The following NOM1 variants were observed in gnomAD, a reference collection of about 807,000 sequenced individuals.
NOM1 encodes the protein nucleolar protein with MIF4G domain 1.
NOM1 carries 58 observed loss-of-function variants against 73.3 expected under a neutral mutation model. The ratio of observed to expected loss-of-function variants is 0.79; its 90% confidence interval spans 0.64 to 0.99. The LOEUF (loss-of-function observed/expected upper bound fraction) is 0.99. Among genes scored for constraint, NOM1 ranks in the 50% least tolerant of loss-of-function variants. The pLI, the probability that NOM1 is intolerant of heterozygous loss-of-function variation, is 0.00. For missense variants in NOM1, 1,226 were observed against 1,131.9 expected (o/e 1.08, Z -1.19); for synonymous variants, 487 against 446.8 (o/e 1.09, Z -1.14).
At chr7:156,953,186 CTA>C (rs1804636017) in intron 2 of NOM1, among the ~76,000 whole-genome samples, 1 of 152,164 alleles carries the variant, frequency 6.6e-6, no homozygotes, top group Non-Finnish European at 1.5e-5. Flanking sequence ...TGCAATGGCG[CTA>C]TCTCGGCTCA....
At chr7:156,965,360 A>G (rs1458369409) in intron 7 of NOM1, among the ~76,000 whole-genome samples, 5 of 152,256 alleles carry the variant, frequency 3.3e-5, no homozygotes, top group African/African-American at 9.6e-5. Flanking sequence ...CCCCAAGAGC[A>G]TGGTGACTCT....
chr7:156,968,974 A>G (rs1805073881), intron 9 of NOM1, 113 bp from the exon 10 acceptor site: 3 of 664,070 alleles, frequency 4.5e-6, no homozygotes, highest in Non-Finnish European at 8.2e-6. Context: ...TAAATCGGGT[A>G]GAGTGGGGGA....
intron 2 of NOM1, among the ~76,000 whole-genome samples, chr7:156,953,236 T>A (rs1488068515): frequency 1.3e-5 from 2 of 152,116 alleles, no homozygotes; most frequent in Non-Finnish European, 2.9e-5. Flanking sequence ...TTCAAGCAGT[T>A]CTCCTGCCTC....
intron 3 of NOM1, among the ~76,000 whole-genome samples, chr7:156,958,364 C>T (rs1804779067): frequency 6.6e-6 from 1 of 152,224 alleles, no homozygotes; most frequent in East Asian, 1.9e-4. Flanking sequence ...CACTGCCATG[C>T]GTTGCTGTGT....
Position 156,950,723 on chromosome 7 carries a change from A to G in NOM1, c.986A>G (p.Lys329Arg). ...TCGGAGGACGGTGACATAACGGATAAGGTATCGTGTGAACACTCTCTAGGC... is the reference window on the plus strand; with the variant it reads ...TCGGAGGACGGTGACATAACGGATAGGGTATCGTGTGAACACTCTCTAGGC... The part of the protein sequence containing the change: ...NSSEDGDITD[K>R]SLCGSGEKYI... Residue 329 changes from lysine (K) to arginine (R), a missense_variant and splice_region_variant, in exon 1 of 11, where the codon AAG becomes AGG. Transcript: ENST00000275820. 2.6e-6 allele frequency: 4 copies of G among 1,550,656 alleles called. No homozygotes were observed. The highest frequency in any genetic ancestry group is 3.5e-6 in the Non-Finnish European group (4 of 1,146,462).
rs1804553707 is a variant in NOM1 at position 156,950,330 on chromosome 7, G to A, written c.593G>A (p.Arg198His). 5.0e-6 allele frequency: 8 copies of A among 1,613,850 alleles called. No individual in the cohort carries two copies. The highest frequency in any genetic ancestry group is 6.8e-6 in the Non-Finnish European group (8 of 1,179,912). ...KLERCLGLNK[R>H]KKKDGSSSVP... ...GAGCGTTGCCTCGGTTTGAACAAGCGCAAAAAGAAGGACGGCAGCAGCTCC... is the reference window on the plus strand; with the variant it reads ...GAGCGTTGCCTCGGTTTGAACAAGCACAAAAAGAAGGACGGCAGCAGCTCC... Residue 198 changes from arginine (R) to histidine (H), a missense_variant, in exon 1 of 11, where the codon CGC (arginine) becomes CAC (histidine). Coordinates refer to ENST00000275820, the MANE Select transcript of NOM1 (RefSeq NM_138400.2).
At position 156,966,364 on chromosome 7, in the gene NOM1, C is replaced by T. The variant is rs747703544; in HGVS notation, c.2128C>T (p.Leu710=). 2.7e-5 allele frequency: 44 copies of T among 1,614,086 alleles called. No individual in the cohort carries two copies. The highest frequency in any genetic ancestry group is 3.5e-5 in the Non-Finnish European group (41 of 1,180,040). Residue 710 remains leucine, a synonymous_variant, in exon 8 of 11, where the codon CTG becomes TTG. Transcript: ENST00000275820. ...AACTTACAATCCCTTCTATGCTTTCCTGGCTAGCAAATTCTGTGAATATGA... is the reference window on the plus strand; with the variant it reads ...AACTTACAATCCCTTCTATGCTTTCTTGGCTAGCAAATTCTGTGAATATGA... ...EKTYNPFYAF[L]ASKFCEYERR... is the part of the protein sequence containing the mutation.
At position 156,962,223 on chromosome 7, in the gene NOM1, G is replaced by A. The variant is rs376796774; in HGVS notation, c.1705G>A (p.Glu569Lys). ...GCGCAAAATTCCAGGCTATGACCCC[G>A]AGCCCGTGGAGAAGCTGAGGAAACT... ...DMRKIPGYDP[E>K]PVEKLRKLQR... The change falls in exon 5 of 11, where the codon GAG becomes AAG. Residue 569 changes from glutamate (E) to lysine (K), a missense_variant. Coordinates refer to ENST00000275820, the MANE Select transcript of NOM1 (RefSeq NM_138400.2). The A allele has an allele frequency of 6.2e-5, 100 of 1,614,112 alleles. No homozygotes were observed. Among genetic ancestry groups the A allele is most frequent in the Non-Finnish European group, 7.8e-5 (92 of 1,180,012 alleles).
Position 156,967,111 on chromosome 7 carries a change from A to G in NOM1, c.2298+19A>G, listed in dbSNP as rs1805017906. On this transcript the variant is annotated intron_variant, in intron 9 of 10. Transcript: ENST00000275820. ...CTTAAAGGTTCGTGTAACGTGTGAA[A>G]ATATTGAAAGCAATGGAAATGGGAG... 1 of 1,608,338 alleles carries G rather than the reference A, an allele frequency of 6.2e-7. No homozygotes were observed. Among genetic ancestry groups the G allele is most frequent in the Non-Finnish European group, 8.5e-7 (1 of 1,178,018 alleles).
In NOM1 at chr7:156,969,697, A is replaced by G; in HGVS notation, c.2577A>G (p.Arg859=). ...TKCLQGKASL[R]M is the part of the protein sequence containing the mutation. Reference sequence around the variant, plus strand: ...GTCTGCAAGGAAAAGCTTCCCTGAGAATGTAGTCAGGGAAGGAAGGAGGGC... The same window carrying G: ...GTCTGCAAGGAAAAGCTTCCCTGAGGATGTAGTCAGGGAAGGAAGGAGGGC... Residue 859 remains arginine, a synonymous_variant, in exon 11 of 11, where the codon AGA becomes AGG. Transcript: ENST00000275820. 4 of 1,607,788 alleles carry G rather than the reference A, an allele frequency of 2.5e-6. No individual in the cohort carries two copies. The highest frequency in any genetic ancestry group is 3.4e-6 in the Non-Finnish European group (4 of 1,176,454).
At chr7:156,962,947 G>A in intron 5 of NOM1, 61 bp from the exon 6 acceptor site, 1 of 1,543,848 alleles carries the variant, frequency 6.5e-7, no homozygotes, top group Non-Finnish European at 8.8e-7. Context: ...AGCCACCGGT[G>A]ATGGAAGGAC....
intron 6 of NOM1, 30 bp from the exon 7 acceptor site, chr7:156,963,875 G>T: frequency 1.9e-6 from 3 of 1,604,246 alleles, no homozygotes; most frequent in Non-Finnish European, 2.6e-6. Flanking sequence ...GGAGACATGC[G>T]TATGACTTGT....
chr7:156,953,233 A>G (rs1317511129), intron 2 of NOM1, among the ~76,000 whole-genome samples: 1 of 152,044 alleles, frequency 6.6e-6, no homozygotes, highest in Non-Finnish European at 1.5e-5. Flanking sequence ...AGGTTCAAGC[A>G]GTTCTCCTGC....
chr7:156,955,986 C>G (rs923386371), intron 3 of NOM1, among the ~76,000 whole-genome samples: 2 of 151,848 alleles, frequency 1.3e-5, no homozygotes, highest in Non-Finnish European at 2.9e-5. Context: ...GTCAGGAGAT[C>G]GAGACCAGCC....
chr7:156,967,548 C>A (rs75627087), intron 9 of NOM1, among the ~76,000 whole-genome samples: 1 of 152,050 alleles, frequency 6.6e-6, no homozygotes, highest in Non-Finnish European at 1.5e-5. Context: ...TTCTTCCCCC[C>A]CCAAGATGGG....
intron 9 of NOM1, among the ~76,000 whole-genome samples, chr7:156,967,624 A>G (rs950748861): frequency 9.9e-5 from 15 of 152,172 alleles, no homozygotes; most frequent in Admixed American, 8.5e-4. Flanking sequence ...TCCGGGATTC[A>G]AGCGATTCTC....
chr7:156,966,999 C>G lies in NOM1; in HGVS notation c.2205C>G (p.Asp735Glu). 2 of 1,613,692 alleles carry G rather than the reference C, an allele frequency of 1.2e-6. No individual in the cohort carries two copies. The highest frequency in any genetic ancestry group is 2.2e-5 in the South Asian group (2 of 91,024). The change falls in exon 9 of 11, where the codon GAC (aspartate) becomes GAG (glutamate). Residue 735 changes from aspartate (D) to glutamate (E), a missense_variant. By Grantham distance (45) the Asp-to-Glu change is conservative. Transcript: ENST00000275820. Reference sequence around the variant, plus strand: ...TCAGCATATGGGACAAATTTCGGGACTTGGAAAACTTGCCAGCTACGAATT... The same window carrying G: ...TCAGCATATGGGACAAATTTCGGGAGTTGGAAAACTTGCCAGCTACGAATT... The part of the protein sequence containing the change: ...FQFSIWDKFR[D>E]LENLPATNFS...
At chr7:156,959,106 CT>C (rs5888696) in intron 3 of NOM1, among the ~76,000 whole-genome samples, 105,711 of 147,094 alleles carry the variant, frequency 0.72, 37,767 homozygotes, top group Middle Eastern at 0.78. Flanking sequence ...GGTAGTGGAA[CT>C]TTTTTTTTTT....
At chr7:156,965,486 C>T (rs889424068) in intron 7 of NOM1, among the ~76,000 whole-genome samples, 4 of 152,234 alleles carry the variant, frequency 2.6e-5, no homozygotes, top group Admixed American at 2.0e-4. Context: ...GGGTGGCTCA[C>T]GGCCCCAGGT....
Sources: gnomAD v4.1 joint callset for allele counts (sites outside exome capture counted in the v4.1 genomes callset) on GRCh38, gnomAD v4.1.1 for gene constraint, MANE v1.5 for transcripts, NCBI Gene and HGNC (gene_info 2026-07-23, HGNC 2026-07-21) for gene names.